EDA: variants seen among roughly 807,000 people sequenced by gnomAD.
EDA encodes the protein ectodysplasin-A.
Under a neutral mutation model 23.6 loss-of-function variants are expected in EDA, and 2 were observed. The observed-to-expected ratio is 0.08, with a 90% CI of 0.03 to 0.27. EDA has a LOEUF of 0.27. Among genes scored for constraint, EDA ranks in the 10% least tolerant of loss-of-function variants. The probability of loss-of-function intolerance (pLI) is 1.00; values close to 1 mark genes in which losing one functional copy is unlikely to be tolerated. For missense variants in EDA, 229 were observed against 324.2 expected, an observed-to-expected ratio of 0.71 and a Z score of 2.26; for synonymous variants, 131 against 132.0, an observed-to-expected ratio of 0.99 and a Z score of 0.05.
At chrX:69,686,692 A>G (rs1934554159) in intron 1 of EDA, among the ~76,000 whole-genome samples, 1 of 111,737 alleles carries the variant, frequency 8.9e-6, no homozygotes, top group African/African-American at 3.3e-5. Context: ...CATATAATGT[A>G]TAATCTTTTA....
chrX:69,820,630 T>A (rs2016196777), intron 1 of EDA, among the ~76,000 whole-genome samples: 1 of 111,172 alleles, frequency 9.0e-6, no homozygotes, highest in Admixed American at 9.5e-5. Flanking sequence ...CCAACAAACA[T>A]AAAAAATGTT....
chrX:69,682,355 G>C (rs1418071739), intron 1 of EDA, among the ~76,000 whole-genome samples: 2 of 112,654 alleles, frequency 1.8e-5, no homozygotes, highest in African/African-American at 6.4e-5. Flanking sequence ...CCACCCAGTT[G>C]GAGCTTCCAG....
Position 69,749,919 on chromosome X carries a change from G to GTTTTTT in EDA, c.396+133217_396+133218insTTTTTT, listed in dbSNP as rs748583222. On this transcript the variant is annotated intron_variant, in intron 1 of 7. Coordinates refer to ENST00000374552, the MANE Select transcript of EDA (RefSeq NM_001399.5). Reference sequence around the variant, plus strand: ...TTTTTAGAAACTTCCTCTCACTAAGGTTCTTTTTTTTTTTTTTTTTTTTTT... The same window carrying GTTTTTT: ...TTTTTAGAAACTTCCTCTCACTAAGGTTTTTTTTCTTTTTTTTTTTTTTTTTTTTTT... Among the ~76,000 whole-genome samples the GTTTTTT allele has an allele frequency of 1.9e-4, 9 of 48,606 alleles. 1 individual carries two copies. Among genetic ancestry groups the GTTTTTT allele is most frequent in the African/African-American group, 9.5e-4 (9 of 9,438 alleles). The allele number at this position is 48,606 out of a possible 115,157, so 42.2% of individuals were successfully genotyped here.
chrX:70,022,876 G>A, intron 2 of EDA: 1 of 142,101 alleles, frequency 7.0e-6, no homozygotes, highest in Non-Finnish European at 1.4e-5. Context: ...TTCAACCTCA[G>A]GACTTGCAGA....
At chrX:69,681,440 C>T (rs1934347180) in intron 1 of EDA, among the ~76,000 whole-genome samples, 1 of 111,340 alleles carries the variant, frequency 9.0e-6, no homozygotes. Context: ...TCCATTCTCC[C>T]CGTCACTTTC....
chrX:69,672,618 A>G (rs1043922886), intron 1 of EDA: 1 of 111,453 alleles, frequency 9.0e-6, no homozygotes, highest in African/African-American at 3.3e-5. Flanking sequence ...GTGGTGGCTC[A>G]CGCCTGTAAT....
intron 2 of EDA, among the ~76,000 whole-genome samples, chrX:69,990,095 C>T (rs943491184): frequency 1.8e-5 from 2 of 109,916 alleles, no homozygotes; most frequent in African/African-American, 6.6e-5. Flanking sequence ...TCATTCAGTT[C>T]GACATATTCT....
At chrX:69,979,731 G>A (rs981070910) in intron 2 of EDA, among the ~76,000 whole-genome samples, 2 of 111,194 alleles carry the variant, frequency 1.8e-5, no homozygotes, top group Admixed American at 9.6e-5. Context: ...TAGTCTTCAA[G>A]CAGATTATTT....
chrX:69,920,069 C>T (rs189296384), intron 1 of EDA, among the ~76,000 whole-genome samples: 93 of 111,268 alleles, frequency 8.4e-4, no homozygotes, highest in African/African-American at 2.9e-3. Flanking sequence ...TGGGAATCTT[C>T]ATAGGGTGAT....
intron 2 of EDA, among the ~76,000 whole-genome samples, chrX:69,973,017 C>A (rs1053311850): frequency 1.8e-5 from 2 of 111,169 alleles, no homozygotes; most frequent in East Asian, 2.8e-4. Flanking sequence ...CTAATCTAAG[C>A]TAATCTAAGC....
intron 1 of EDA, among the ~76,000 whole-genome samples, chrX:69,849,644 G>A (rs1019302903): frequency 2.7e-5 from 3 of 111,821 alleles, no homozygotes; most frequent in Admixed American, 9.5e-5. Context: ...GGCACTTAAC[G>A]TATACATTGT....
At chrX:69,802,811 G>A (rs2015724225) in intron 1 of EDA, among the ~76,000 whole-genome samples, 1 of 111,643 alleles carries the variant, frequency 9.0e-6, no homozygotes, top group Non-Finnish European at 1.9e-5. Flanking sequence ...GAAGTCAAAA[G>A]AAAAATACGC....
intron 1 of EDA, among the ~76,000 whole-genome samples, chrX:69,888,978 T>TTATATATATATATATATATATATA: frequency 4.4e-4 from 7 of 16,009 alleles, no homozygotes; most frequent in Non-Finnish European, 6.2e-4. Context: ...TGTGGGGTAG[T>TTATATATATATATATATATATATA]TATATATATA....
rs113939181 is a variant in EDA, at chrX:69,676,503, C to T, written c.396+59799C>T. 2.2e-4 allele frequency among the ~76,000 whole-genome samples: 18 copies of T among 83,530 alleles called. No homozygotes were observed. In the East Asian group the frequency reaches 4.2e-3, roughly 19 times the overall value. 72.5% of individuals were successfully genotyped at this position (83,530 alleles called of 115,157 possible). On this transcript the variant is annotated intron_variant, in intron 1 of 7. Coordinates refer to ENST00000374552, the MANE Select transcript of EDA (RefSeq NM_001399.5). The stretch of plus-strand genomic sequence containing the variant: ...GTTTTTCTGTGTGTGTGTGTGTGTG[C>T]GCGCGCGCACGTGTGCTTGTGTGTG...
At chrX:69,778,822 C>T (rs773529934) in intron 1 of EDA, among the ~76,000 whole-genome samples, 4 of 111,213 alleles carry the variant, frequency 3.6e-5, no homozygotes, top group Non-Finnish European at 5.7e-5. Context: ...AAAAACACTT[C>T]CTGCAATTTT....
intron 1 of EDA, among the ~76,000 whole-genome samples, chrX:69,841,918 T>C (rs2016903034): frequency 8.9e-6 from 1 of 112,180 alleles, no homozygotes; most frequent in Non-Finnish European, 1.9e-5. Context: ...AAGAAAAGTA[T>C]AAAATTTTCC....
At chrX:69,670,397 CTGTT>C in intron 1 of EDA, 1 of 297,944 alleles carries the variant, frequency 3.4e-6, no homozygotes, top group Non-Finnish European at 5.9e-6. Flanking sequence ...TGGGTAGTAA[CTGTT>C]TGCGAACTTT....
At chrX:70,028,871 C>G (rs62604270) in intron 4 of EDA, among the ~76,000 whole-genome samples, 9,084 of 111,976 alleles carry the variant, frequency 0.081, 273 homozygotes, top group South Asian at 0.11. Context: ...AGAAATGGAC[C>G]CTTACAGCTG....
At chrX:69,913,570 T>C (rs1054833873) in intron 1 of EDA, among the ~76,000 whole-genome samples, 12 of 112,427 alleles carry the variant, frequency 1.1e-4, no homozygotes, top group Non-Finnish European at 1.9e-5. Flanking sequence ...TCCAGGCCAC[T>C]AAAACTTTCT....
Sources: gnomAD v4.1 joint callset for allele counts (sites outside exome capture counted in the v4.1 genomes callset) on GRCh38, gnomAD v4.1.1 for gene constraint, MANE v1.5 for transcripts, NCBI Gene and HGNC (gene_info 2026-07-23, HGNC 2026-07-21) for gene names.